PELI2: variants seen among roughly 807,000 people sequenced by gnomAD.
The protein encoded by PELI2 is pellino E3 ubiquitin protein ligase family member 2, also known as E3 ubiquitin-protein ligase pellino homolog 2.
In PELI2, 23 loss-of-function variants were observed where a neutral mutation model predicts 42.3. The ratio of observed to expected loss-of-function variants is 0.54; its 90% CI spans 0.39 to 0.77. The LOEUF is 0.77. Among genes scored for constraint, PELI2 ranks in the 30% least tolerant of loss-of-function variants. PELI2 has a pLI of 0.00. For missense variants in PELI2, 463 were observed against 553.2 expected, an observed-to-expected ratio of 0.84 and a Z score of 1.64; for synonymous variants, 245 against 212.2, an observed-to-expected ratio of 1.15 and a Z score of -1.34.
intron 2 of PELI2, among the ~76,000 whole-genome samples, chr14:56,260,159 T>C (rs548973744): frequency 2.9e-4 from 44 of 152,216 alleles, no homozygotes; most frequent in African/African-American, 1.1e-3. Flanking sequence ...AATCCCCCTC[T>C]AGGTATTTAC....
At chr14:56,266,608 G>A (rs1888915610) in intron 2 of PELI2, among the ~76,000 whole-genome samples, 1 of 151,960 alleles carries the variant, frequency 6.6e-6, no homozygotes, top group Non-Finnish European at 1.5e-5. Context: ...GGGAGAGTGG[G>A]GAAAACATAC....
At chr14:56,154,188 T>C (rs1884467094) in intron 1 of PELI2, among the ~76,000 whole-genome samples, 1 of 152,274 alleles carries the variant, frequency 6.6e-6, no homozygotes, top group South Asian at 2.1e-4. Context: ...GAGATGATGC[T>C]ATATGTACAT....
intron 1 of PELI2, among the ~76,000 whole-genome samples, chr14:56,127,341 A>G (rs1321752145): frequency 6.6e-6 from 1 of 152,218 alleles, no homozygotes; most frequent in Non-Finnish European, 1.5e-5. Flanking sequence ...GGGGTAATCT[A>G]TACAAGCATC....
intron 1 of PELI2, among the ~76,000 whole-genome samples, chr14:56,128,966 G>A (rs1883381992): frequency 6.6e-6 from 1 of 152,084 alleles, no homozygotes; most frequent in South Asian, 2.1e-4. Flanking sequence ...CTAAGGGTTA[G>A]CAAGGGGAAA....
At chr14:56,229,616 G>A (rs1402182794) in intron 2 of PELI2, among the ~76,000 whole-genome samples, 1 of 152,164 alleles carries the variant, frequency 6.6e-6, no homozygotes, top group Non-Finnish European at 1.5e-5. Flanking sequence ...AAGACCAAAG[G>A]TAGATAAAAC....
rs758531540 is a variant in PELI2, at chr14:56,279,709, T to A, written c.241T>A (p.Tyr81Asn). ...CTGCAAAGGTCAACACAGTATATCC[T>A]ACACTTTGTCAAGGAATCAGACTGT... Reference protein sequence around the residue: ...ISCKGQHSISYTLSRNQTVVV... With the variant: ...ISCKGQHSISNTLSRNQTVVV... The change falls in exon 3 of 6, where the codon TAC becomes AAC. Residue 81 changes from tyrosine to asparagine, a missense_variant. By Grantham distance (143) the Tyr-to-Asn change is moderately radical. Around this residue, in one of 3 missense-constraint regions of PELI2, gnomAD observed 343 missense variants for 378.4 expected, o/e 0.91. Coordinates refer to ENST00000267460, the MANE Select transcript of PELI2 (RefSeq NM_021255.3). 6.2e-7 allele frequency: 1 copy of A among 1,603,178 alleles called. No homozygotes were observed. The highest frequency in any genetic ancestry group is 8.5e-7 in the Non-Finnish European group (1 of 1,170,500).
intron 1 of PELI2, among the ~76,000 whole-genome samples, chr14:56,139,316 C>T (rs1209441954): frequency 6.6e-6 from 1 of 152,034 alleles, no homozygotes. Context: ...AGTGGGTTTT[C>T]TTTGTGCTTG....
At chr14:56,132,686 C>T (rs1260311469) in intron 1 of PELI2, among the ~76,000 whole-genome samples, 1 of 152,198 alleles carries the variant, frequency 6.6e-6, no homozygotes, top group Non-Finnish European at 1.5e-5. Flanking sequence ...GAAGGGCTTT[C>T]TGTAGCCCTT....
chr14:56,143,353 G>A (rs755570854), intron 1 of PELI2, among the ~76,000 whole-genome samples: 7 of 152,202 alleles, frequency 4.6e-5, no homozygotes, highest in Non-Finnish European at 8.8e-5. Context: ...CTTAGTGAAG[G>A]TGATGTCTGC....
At chr14:56,232,202 C>T (rs36146453) in intron 2 of PELI2, among the ~76,000 whole-genome samples, 61,055 of 151,732 alleles carry the variant, frequency 0.4, 12,995 homozygotes, top group South Asian at 0.53. Flanking sequence ...TGGTACCATT[C>T]CTTCTGAAAC....
At chr14:56,236,427 A>G (rs985608068) in intron 2 of PELI2, among the ~76,000 whole-genome samples, 1 of 152,200 alleles carries the variant, frequency 6.6e-6, no homozygotes, top group Non-Finnish European at 1.5e-5. Context: ...AGATTCCAGC[A>G]TATCCAGACT....
At chr14:56,119,741 C>A in intron 1 of PELI2, 12 of 974,482 alleles carry the variant, frequency 1.2e-5, no homozygotes, top group Non-Finnish European at 1.3e-5. Context: ...GGGGAAGGAA[C>A]AACTTGGGTT....
chr14:56,152,873 G>A (rs1884416571), intron 1 of PELI2, among the ~76,000 whole-genome samples: 1 of 152,098 alleles, frequency 6.6e-6, no homozygotes, highest in African/African-American at 2.4e-5. Context: ...GGATTAGTGG[G>A]AATGTAGGCA....
intron 2 of PELI2, among the ~76,000 whole-genome samples, chr14:56,210,366 T>C (rs560564483): frequency 1.3e-5 from 2 of 152,196 alleles, no homozygotes; most frequent in East Asian, 3.9e-4. Context: ...GAAGTCAGTG[T>C]TGAAGAAGGG....
intron 2 of PELI2, among the ~76,000 whole-genome samples, chr14:56,271,751 C>T (rs1474341201): frequency 6.6e-6 from 1 of 152,180 alleles, no homozygotes; most frequent in Admixed American, 6.5e-5. Flanking sequence ...CTAGCTGTCC[C>T]AATAGAGCGT....
chr14:56,122,838 C>T (rs181945690), intron 1 of PELI2, among the ~76,000 whole-genome samples: 59 of 152,276 alleles, frequency 3.9e-4, no homozygotes, highest in African/African-American at 1.4e-3. Context: ...TACAGAAGTG[C>T]ACATGTGTAT....
intron 2 of PELI2, among the ~76,000 whole-genome samples, chr14:56,192,058 T>C (rs1256427463): frequency 2.6e-5 from 4 of 152,238 alleles, no homozygotes; most frequent in African/African-American, 9.6e-5. Flanking sequence ...TTTCGCCATG[T>C]TGGCCAGGCT....
intron 3 of PELI2, among the ~76,000 whole-genome samples, chr14:56,286,010 C>T (rs1278403359): frequency 1.3e-5 from 2 of 152,150 alleles, no homozygotes; most frequent in African/African-American, 4.8e-5. Flanking sequence ...AACATCCAAG[C>T]AGATGATCAT....
intron 2 of PELI2, among the ~76,000 whole-genome samples, chr14:56,201,286 A>G (rs952146214): frequency 9.9e-5 from 15 of 152,200 alleles, no homozygotes; most frequent in African/African-American, 3.6e-4. Flanking sequence ...GAGAAATGCA[A>G]AAGATATAGA....
Sources: allele counts gnomAD v4.1 joint callset (sites outside exome capture counted in the v4.1 genomes callset), GRCh38; gene constraint gnomAD v4.1.1; regional missense constraint gnomAD v4.1.1; transcripts MANE v1.5; gene names NCBI Gene and HGNC (gene_info 2026-07-23, HGNC 2026-07-21).